Variants in OSBPL9 observed in about 807,000 individuals in gnomAD.
OSBPL9 encodes the protein oxysterol binding protein like 9.
A neutral mutation model predicts 106.6 loss-of-function variants in OSBPL9; 40 were observed. That is an observed-to-expected ratio of 0.38 (90% CI 0.29 to 0.49). The LOEUF is 0.49. Ranked by LOEUF, OSBPL9 falls within the 20% of genes least tolerant of loss-of-function variation. The pLI, the probability that OSBPL9 is intolerant of heterozygous loss-of-function variation, is 0.97. For missense variants in OSBPL9, 609 were observed against 887.2 expected, an observed-to-expected ratio of 0.69 and a Z score of 3.98; for synonymous variants, 269 against 295.4, an observed-to-expected ratio of 0.91 and a Z score of 0.92.
At chr1:51,713,234 C>T (rs1293702576) in intron 3 of OSBPL9, among the ~76,000 whole-genome samples, 2 of 152,076 alleles carry the variant, frequency 1.3e-5, no homozygotes, top group African/African-American at 4.8e-5. Context: ...GCTGCAACCT[C>T]CGCCTCCCGG....
intron 15 of OSBPL9, among the ~76,000 whole-genome samples, chr1:51,778,118 A>G (rs1675494220): frequency 6.6e-6 from 1 of 152,156 alleles, no homozygotes; most frequent in Non-Finnish European, 1.5e-5. Context: ...CTATAATCAC[A>G]CCACTGCAGC....
chr1:51,597,142 A>G (rs1243663681), intron 1 of OSBPL9, among the ~76,000 whole-genome samples: 5 of 152,162 alleles, frequency 3.3e-5, no homozygotes. Context: ...AAGAAAGCCA[A>G]TGTGGCTTAA....
intron 1 of OSBPL9, among the ~76,000 whole-genome samples, chr1:51,650,130 G>A (rs1002175949): frequency 4.1e-4 from 63 of 152,120 alleles, no homozygotes; most frequent in African/African-American, 1.4e-3. Flanking sequence ...TCTTGCCTTG[G>A]ACTCCCAAAG....
At chr1:51,742,707 G>A (rs929143234) in intron 4 of OSBPL9, among the ~76,000 whole-genome samples, 7 of 152,032 alleles carry the variant, frequency 4.6e-5, no homozygotes, top group Admixed American at 2.0e-4. Context: ...CTGCACTCCA[G>A]CCTGGGTGAC....
At chr1:51,642,554 T>TG (rs1310462607) in intron 1 of OSBPL9, among the ~76,000 whole-genome samples, 2 of 152,180 alleles carry the variant, frequency 1.3e-5, no homozygotes, top group African/African-American at 4.8e-5. Context: ...ACTCTGTAGG[T>TG]GGGGGACAAG....
Position 51,584,437 on chromosome 1 carries a change from C to T in OSBPL9, c.-423+7181C>T, listed in dbSNP as rs115924925. On this transcript the variant is annotated intron_variant, in intron 1 of 25. Coordinates refer to the OSBPL9 transcript ENST00000371714. ...TCTAAAGGCCTTGCATGGCCAGGTGCGGTGGCTCATGCTGTAATCCCAACA... is the reference window on the plus strand; with the variant it reads ...TCTAAAGGCCTTGCATGGCCAGGTGTGGTGGCTCATGCTGTAATCCCAACA... 2.4e-3 allele frequency among the ~76,000 whole-genome samples: 364 copies of T among 151,902 alleles called. 1 individual carries two copies. Among genetic ancestry groups the T allele is most frequent in the African/African-American group, 8.5e-3 (351 of 41,256 alleles).
At chr1:51,544,233 C>T in the OSBPL9 span, among the ~76,000 whole-genome samples, 3 of 152,148 alleles carry the variant, frequency 2.0e-5, no homozygotes, top group Admixed American at 2.0e-4. Flanking sequence ...TGGTGGCACA[C>T]ACCTGTAACC....
At chr1:51,643,051 C>T (rs770111318) in intron 1 of OSBPL9, among the ~76,000 whole-genome samples, 2 of 152,096 alleles carry the variant, frequency 1.3e-5, no homozygotes, top group African/African-American at 2.4e-5. Flanking sequence ...TGTCTTCTTG[C>T]TGCTTCATAA....
At position 51,788,628 on chromosome 1, in the gene OSBPL9, G is replaced by A. The variant is rs976297493; in HGVS notation, c.*839G>A. Among the ~76,000 whole-genome samples, 1 of 152,064 alleles carries A rather than the reference G, an allele frequency of 6.6e-6. No homozygotes were observed. Among genetic ancestry groups the A allele is most frequent in the African/African-American group, 2.4e-5 (1 of 41,400 alleles). ...ATGTTCTGTCTTTAGCCCCTGCCAG[G>A]CAATTCCCCAGAATCTTCACTTAAC... On this transcript the variant is annotated 3_prime_UTR_variant, in exon 24 of 24. Transcript: ENST00000428468.
intron 1 of OSBPL9, among the ~76,000 whole-genome samples, chr1:51,578,060 TA>T (rs1645197058): frequency 6.6e-6 from 1 of 152,228 alleles, no homozygotes; most frequent in South Asian, 2.1e-4. Flanking sequence ...ACCAGACTAG[TA>T]AAATCTATAA....
chr1:51,710,318 A>G (rs1334620670), intron 3 of OSBPL9, among the ~76,000 whole-genome samples: 1 of 152,158 alleles, frequency 6.6e-6, no homozygotes, highest in Non-Finnish European at 1.5e-5. Context: ...TTGCACAGTG[A>G]GTATTTGTAA....
intron 3 of OSBPL9, among the ~76,000 whole-genome samples, chr1:51,675,595 C>T (rs1379132717): frequency 6.6e-6 from 1 of 152,006 alleles, no homozygotes; most frequent in Non-Finnish European, 1.5e-5. Flanking sequence ...TTGGATCATA[C>T]TAGGGTGGAA....
the OSBPL9 span, chr1:51,519,235 GT>G: frequency 8.1e-7 from 1 of 1,236,810 alleles, no homozygotes; most frequent in South Asian, 1.8e-5. Flanking sequence ...CAGCCATGGT[GT>G]TTCCATCATG....
chr1:51,612,209 C>T (rs1390109713), upstream of OSBPL9, among the ~76,000 whole-genome samples: 4 of 152,218 alleles, frequency 2.6e-5, no homozygotes, highest in African/African-American at 9.7e-5. Flanking sequence ...CTGAAACTCT[C>T]TATTGCTTGA....
At chr1:51,752,869 A>G (rs959218453) in intron 8 of OSBPL9, 15 of 192,708 alleles carry the variant, frequency 7.8e-5, no homozygotes, top group African/African-American at 3.4e-4. Context: ...TAGAGGTCTC[A>G]TCTCCAAATA....
At chr1:51,609,137 A>C (rs571944378) in intron 2 of OSBPL9, among the ~76,000 whole-genome samples, 1 of 152,192 alleles carries the variant, frequency 6.6e-6, no homozygotes. Flanking sequence ...TTTGATCTTG[A>C]AGTATTTTCC....
intron 3 of OSBPL9, among the ~76,000 whole-genome samples, chr1:51,712,037 G>C (rs1286598146): frequency 6.6e-6 from 1 of 152,046 alleles, no homozygotes; most frequent in Non-Finnish European, 1.5e-5. Flanking sequence ...CTGCAATCTC[G>C]GCACTTTGGG....
rs531240886 is a variant in OSBPL9, at chr1:51,764,583, C to CTTT, written c.779-1225_779-1223dup. On this transcript the variant is annotated intron_variant, in intron 11 of 23. Coordinates refer to ENST00000428468, the MANE Select transcript of OSBPL9 (RefSeq NM_024586.6). The stretch of plus-strand genomic sequence containing the variant: ...AAAAATCCGTAAGTGACTCTGGATT[C>CTTT]TTTTTTTTTTTTTTTTGAGACAAGG... Among the ~76,000 whole-genome samples the CTTT allele has an allele frequency of 1.2e-3, 161 of 135,706 alleles. 3 individuals are homozygous for CTTT. The South Asian group carries it at 0.018, about 16-fold the overall frequency. 89.0% of individuals were successfully genotyped at this position (135,706 alleles called of 152,430 possible). A position where few individuals can be genotyped will look rare whatever the true frequency, so the allele number is the denominator to read the frequency against.
chr1:51,700,573 G>T (rs536670828), intron 3 of OSBPL9, among the ~76,000 whole-genome samples: 54 of 152,168 alleles, frequency 3.5e-4, no homozygotes, highest in African/African-American at 1.3e-3. Flanking sequence ...ATGTTCTCAT[G>T]ATTCGATTGC....
Sources: allele counts gnomAD v4.1 joint callset (sites outside exome capture counted in the v4.1 genomes callset), GRCh38; gene constraint gnomAD v4.1.1; transcripts MANE v1.5; gene names NCBI Gene and HGNC (gene_info 2026-07-23, HGNC 2026-07-21).